DMD: variants seen among roughly 807,000 people sequenced by gnomAD.
DMD encodes the protein dystrophin, also known as mutant dystrophin.
In DMD, 63 loss-of-function variants were observed where a neutral mutation model predicts 330.1. That is an observed-to-expected ratio of 0.19 (90% CI 0.16 to 0.24). The LOEUF is 0.24. DMD is among the 10% of genes least tolerant of loss of function. DMD has a pLI of 1.00. For synonymous variants in DMD, 1,223 were observed against 959.8 expected, an observed-to-expected ratio of 1.27 and a Z score of -5.07; for missense variants, 3,344 against 2,684.1, an observed-to-expected ratio of 1.25 and a Z score of -5.43.
At chrX:31,266,978 G>A (rs934931542) in intron 62 of DMD, 46 of 948,273 alleles carry the variant, frequency 4.9e-5, no homozygotes, top group Non-Finnish European at 6.0e-5. Context: ...CGGGCGGGCC[G>A]GGGAGGGGGC....
intron 43 of DMD, among the ~76,000 whole-genome samples, chrX:32,244,226 T>C (rs1225646000): frequency 1.9e-5 from 2 of 105,892 alleles, no homozygotes; most frequent in Non-Finnish European, 3.9e-5. Flanking sequence ...TTTTTTGTTC[T>C]TGCGATAGTT....
intron 11 of DMD, among the ~76,000 whole-genome samples, chrX:32,643,293 T>TG (rs1203309896): frequency 9.0e-6 from 1 of 110,863 alleles, no homozygotes; most frequent in Non-Finnish European, 1.9e-5. Flanking sequence ...AATTTAGTAC[T>TG]GGAATACCAA....
chrX:32,762,038 T>C (rs1385566319), intron 7 of DMD, among the ~76,000 whole-genome samples: 3 of 108,304 alleles, frequency 2.8e-5, no homozygotes, highest in Non-Finnish European at 5.7e-5. Context: ...TAATCCCAGC[T>C]ACTCGGGAGG....
Position 32,619,281 on chromosome X carries a change from T to C in DMD, c.1332-4828A>G, listed in dbSNP as rs140303013. Reference sequence around the variant, plus strand: ...GAGCTGATCCCACAGAAGTAGGGAATGAATAGTGGTTACCAGAGGCTGAGG... The same window carrying C: ...GAGCTGATCCCACAGAAGTAGGGAACGAATAGTGGTTACCAGAGGCTGAGG... On this transcript the variant is annotated intron_variant, in intron 11 of 78. Transcript: ENST00000357033. 6.9e-3 allele frequency among the ~76,000 whole-genome samples: 766 copies of C among 111,185 alleles called. 6 individuals are homozygous for C. Among genetic ancestry groups the C allele is most frequent in the African/African-American group, 0.024 (734 of 30,593 alleles).
In DMD at chrX:32,496,752, G is replaced by C. The variant is rs183594665; in HGVS notation, c.2380+5003C>G. Among the ~76,000 whole-genome samples the C allele has an allele frequency of 1.3e-3, 141 of 112,684 alleles. 1 individual carries two copies. The highest frequency in any genetic ancestry group is 4.4e-3 in the African/African-American group (137 of 31,090). ...TTCCTTTTGGAGATTAGACTTAAACGAAGAAAAATGTGCCTGTCAATTAAA... is the reference window on the plus strand; with the variant it reads ...TTCCTTTTGGAGATTAGACTTAAACCAAGAAAAATGTGCCTGTCAATTAAA... On this transcript the variant is annotated intron_variant, in intron 19 of 78. Coordinates refer to ENST00000357033, the MANE Select transcript of DMD (RefSeq NM_004006.3).
chrX:32,737,089 C>T (rs1453583493), intron 7 of DMD, among the ~76,000 whole-genome samples: 1 of 109,806 alleles, frequency 9.1e-6, no homozygotes, highest in African/African-American at 3.3e-5. Flanking sequence ...ATGTTATTAT[C>T]TTTACCAAAA....
chrX:32,449,409 T>C (rs764742570), intron 26 of DMD, among the ~76,000 whole-genome samples: 1 of 110,129 alleles, frequency 9.1e-6, no homozygotes, highest in African/African-American at 3.3e-5. Flanking sequence ...CTGGTTAATA[T>C]GAACGAACGC....
In DMD at chrX:32,649,068, T is replaced by C. The variant is rs764506148; in HGVS notation, c.961-3916A>G. Among the ~76,000 whole-genome samples, 12 of 110,939 alleles carry C rather than the reference T, an allele frequency of 1.1e-4. 1 individual carries two copies. The Admixed American group carries it at 1.2e-3, about 11-fold the overall frequency. Reference sequence around the variant, plus strand: ...TCTCTTCAGTACATTGGGCAAATAATGATTACGATGAGAGGCATGACAGTG... The same window carrying C: ...TCTCTTCAGTACATTGGGCAAATAACGATTACGATGAGAGGCATGACAGTG... On this transcript the variant is annotated intron_variant, in intron 9 of 78. Coordinates refer to ENST00000357033, the MANE Select transcript of DMD (RefSeq NM_004006.3).
intron 55 of DMD, among the ~76,000 whole-genome samples, chrX:31,553,440 T>C (rs2074612895): frequency 8.9e-6 from 1 of 112,113 alleles, no homozygotes; most frequent in African/African-American, 3.2e-5. Flanking sequence ...ATTGCGTTTT[T>C]TTTACCATTA....
At chrX:31,387,588 C>T (rs1021332685) in intron 60 of DMD, among the ~76,000 whole-genome samples, 1 of 111,139 alleles carries the variant, frequency 9.0e-6, no homozygotes, top group Non-Finnish European at 1.9e-5. Context: ...TTAGTAGAGA[C>T]GCGGTTTTGC....
Position 33,238,779 on chromosome X carries a change from T to C in DMD, c.7+100480A>G, listed in dbSNP as rs182405054. ...GCTTTTAGTATCATAATCTTTACCATGGTTACCAGATGACATGTTAAAAAT... is the reference window on the plus strand; with the variant it reads ...GCTTTTAGTATCATAATCTTTACCACGGTTACCAGATGACATGTTAAAAAT... On this transcript the variant is annotated intron_variant, in intron 1 of 17. Coordinates refer to the DMD transcript ENST00000288447. Among the ~76,000 whole-genome samples, 201 of 111,187 alleles carry C rather than the reference T, an allele frequency of 1.8e-3. 2 individuals carry two copies. Among genetic ancestry groups the C allele is most frequent in the Non-Finnish European group, 1.6e-3 (87 of 53,041 alleles).
intron 12 of DMD, among the ~76,000 whole-genome samples, chrX:32,597,207 A>G (rs371442555): frequency 2.7e-5 from 3 of 111,822 alleles, no homozygotes; most frequent in African/African-American, 9.8e-5. Context: ...AAACTATCCA[A>G]TGTTGCTCCC....
At chrX:31,815,261 C>G (rs1474138062) in intron 50 of DMD, among the ~76,000 whole-genome samples, 1 of 111,575 alleles carries the variant, frequency 9.0e-6, no homozygotes, top group Non-Finnish European at 1.9e-5. Flanking sequence ...ACCAGCCTGA[C>G]CAACATGGTG....
chrX:31,588,387 C>T (rs1356320711), intron 55 of DMD, among the ~76,000 whole-genome samples: 1 of 111,134 alleles, frequency 9.0e-6, no homozygotes, highest in East Asian at 2.8e-4. Context: ...CCAATATTTC[C>T]CCCACCCTAA....
Position 32,878,559 on chromosome X carries a change from C to G in DMD, c.94-28739G>C, listed in dbSNP as rs757818685. Among the ~76,000 whole-genome samples, 870 of 111,507 alleles carry G rather than the reference C, an allele frequency of 7.8e-3. 10 individuals are homozygous for G. The highest frequency in any genetic ancestry group is 0.053 in the East Asian group (188 of 3,526). On this transcript the variant is annotated intron_variant, in intron 2 of 78. Coordinates refer to ENST00000357033, the MANE Select transcript of DMD (RefSeq NM_004006.3). ...TTCTTGTAGCTATACTACAAAACTACAATACTACAGTATCTGTATTACTTT... is the reference window on the plus strand; with the variant it reads ...TTCTTGTAGCTATACTACAAAACTAGAATACTACAGTATCTGTATTACTTT...
intron 1 of DMD, among the ~76,000 whole-genome samples, chrX:33,026,048 C>G (rs6628763): frequency 9.1e-6 from 1 of 110,263 alleles, no homozygotes; most frequent in Non-Finnish European, 1.9e-5. Context: ...AAAGAAAGAA[C>G]TATGAAGCCG....
chrX:32,823,456 T>A, intron 4 of DMD, 69 bp from the exon 5 acceptor site: 2 of 735,079 alleles, frequency 2.7e-6, no homozygotes, highest in Non-Finnish European at 4.3e-6. Flanking sequence ...ATAATAATAA[T>A]AAAAACGTGA....
intron 60 of DMD, among the ~76,000 whole-genome samples, chrX:31,372,147 C>A (rs1231734217): frequency 9.0e-6 from 1 of 111,368 alleles, no homozygotes; most frequent in Non-Finnish European, 1.9e-5. Context: ...CAGAGACTAT[C>A]GCTTATCTTA....
At chrX:32,843,205 ATAAAT>A (rs1426784851) in intron 4 of DMD, among the ~76,000 whole-genome samples, 2 of 112,124 alleles carry the variant, frequency 1.8e-5, no homozygotes, top group African/African-American at 3.3e-5. Context: ...CAAGCTACAA[ATAAAT>A]TAAATCTAAT....
Sources: gnomAD v4.1 joint callset for allele counts (sites outside exome capture counted in the v4.1 genomes callset) on GRCh38, gnomAD v4.1.1 for gene constraint, MANE v1.5 for transcripts, NCBI Gene and HGNC (gene_info 2026-07-23, HGNC 2026-07-21) for gene names.